The following SUGCT variants were observed in gnomAD, a reference collection of about 807,000 sequenced individuals.
The protein encoded by SUGCT is succinyl-CoA:glutarate CoA-transferase.
In SUGCT, 41 loss-of-function variants were observed where a neutral mutation model predicts 55.0. The ratio of observed to expected loss-of-function variants is 0.74; its 90% confidence interval spans 0.58 to 0.97. SUGCT has a LOEUF of 0.97. Among genes scored for constraint, SUGCT ranks in the 50% least tolerant of loss-of-function variants. The probability of loss-of-function intolerance (pLI) is 0.00; values close to 1 mark genes in which losing one functional copy is unlikely to be tolerated. For missense variants in SUGCT, 568 were observed against 547.8 expected, an observed-to-expected ratio of 1.04 and a Z score of -0.37; for synonymous variants, 187 against 200.4, an observed-to-expected ratio of 0.93 and a Z score of 0.56.
chr7:40,992,198 G>A, the SUGCT span, among the ~76,000 whole-genome samples: 52 of 152,256 alleles, frequency 3.4e-4, no homozygotes, highest in African/African-American at 1.2e-3. Flanking sequence ...TTCCAGAACC[G>A]AGGGTTCCTC....
At chr7:41,029,839 T>A in the SUGCT span, among the ~76,000 whole-genome samples, 1 of 152,350 alleles carries the variant, frequency 6.6e-6, no homozygotes, top group Admixed American at 6.5e-5. Context: ...CATAATGTCA[T>A]GTATCCATCA....
At chr7:40,616,250 T>C (rs987738487) in intron 12 of SUGCT, among the ~76,000 whole-genome samples, 1 of 152,150 alleles carries the variant, frequency 6.6e-6, no homozygotes, top group Admixed American at 6.5e-5. Flanking sequence ...GGCTGGAGTT[T>C]AGTGGTGCGA....
At chr7:40,534,849 T>C (rs1794279414) in intron 12 of SUGCT, among the ~76,000 whole-genome samples, 1 of 152,222 alleles carries the variant, frequency 6.6e-6, no homozygotes, top group East Asian at 1.9e-4. Flanking sequence ...GACTATAAGT[T>C]TTGCCTACTC....
chr7:41,031,924 G>A, the SUGCT span, among the ~76,000 whole-genome samples: 7 of 152,014 alleles, frequency 4.6e-5, no homozygotes, highest in East Asian at 1.4e-3. Flanking sequence ...AAGCTCATGA[G>A]TATAGGAGCC....
intron 13 of SUGCT, chr7:40,783,486 G>A (rs1318530585): frequency 6.6e-6 from 1 of 152,112 alleles, no homozygotes; most frequent in Non-Finnish European, 1.5e-5. Context: ...AAACTAGTAA[G>A]TAAAACTAAT....
chr7:40,444,840 G>A (rs546340880), intron 9 of SUGCT, among the ~76,000 whole-genome samples: 2 of 152,270 alleles, frequency 1.3e-5, no homozygotes, highest in Non-Finnish European at 2.9e-5. Context: ...TACCCATTCA[G>A]TATGACATTG....
chr7:40,677,937 G>C (rs1159609385), intron 12 of SUGCT, among the ~76,000 whole-genome samples: 1 of 152,184 alleles, frequency 6.6e-6, no homozygotes, highest in Non-Finnish European at 1.5e-5. Flanking sequence ...TGGGGTTGCA[G>C]GTGCTGCTTC....
chr7:40,207,998 T>C (rs1054216021), intron 6 of SUGCT, among the ~76,000 whole-genome samples: 2 of 152,194 alleles, frequency 1.3e-5, no homozygotes, highest in African/African-American at 4.8e-5. Flanking sequence ...TGGAATATTA[T>C]TCAGCCTTAA....
chr7:40,742,086 C>T (rs1013258307), intron 12 of SUGCT, among the ~76,000 whole-genome samples: 6 of 152,146 alleles, frequency 3.9e-5, no homozygotes, highest in South Asian at 4.1e-4. Context: ...GCTATATATA[C>T]GTGTGTGTAT....
intron 13 of SUGCT, among the ~76,000 whole-genome samples, chr7:40,779,020 C>G (rs1386219191): frequency 6.6e-6 from 1 of 152,134 alleles, no homozygotes; most frequent in African/African-American, 2.4e-5. Context: ...TGAGCAGAGA[C>G]CCTGGGGAAA....
At chr7:40,490,725 T>G (rs1400158733) in intron 11 of SUGCT, among the ~76,000 whole-genome samples, 1 of 152,194 alleles carries the variant, frequency 6.6e-6, no homozygotes, top group African/African-American at 2.4e-5. Flanking sequence ...TAAGGTCATT[T>G]GAATTCCTGA....
At chr7:40,293,334 C>T (rs1793908310) in intron 8 of SUGCT, among the ~76,000 whole-genome samples, 1 of 152,138 alleles carries the variant, frequency 6.6e-6, no homozygotes, top group Non-Finnish European at 1.5e-5. Flanking sequence ...CAGTGCTCAA[C>T]GTTGGCTGCC....
chr7:40,459,918 T>C (rs967973910), intron 11 of SUGCT, among the ~76,000 whole-genome samples: 3 of 152,234 alleles, frequency 2.0e-5, no homozygotes, highest in Non-Finnish European at 4.4e-5. Flanking sequence ...TGCCTTTACA[T>C]GTCTTCTGAA....
At chr7:40,890,708 TA>T in the SUGCT span, among the ~76,000 whole-genome samples, 1 of 152,138 alleles carries the variant, frequency 6.6e-6, no homozygotes, top group South Asian at 2.1e-4. Context: ...AGATGGTCTG[TA>T]AAGACTGGAG....
chr7:40,443,396 C>T (rs1788627090), intron 9 of SUGCT, among the ~76,000 whole-genome samples: 1 of 152,160 alleles, frequency 6.6e-6, no homozygotes, highest in Non-Finnish European at 1.5e-5. Context: ...TGTTTCCTAA[C>T]TTTTTAATGA....
chr7:40,800,770 G>T (rs1584460955), intron 13 of SUGCT, among the ~76,000 whole-genome samples: 1 of 152,096 alleles, frequency 6.6e-6, no homozygotes, highest in African/African-American at 2.4e-5. Flanking sequence ...AAGCTATAGT[G>T]TTCTTGATTT....
chr7:40,491,673 C>G (rs1277760265), intron 11 of SUGCT, among the ~76,000 whole-genome samples: 3 of 151,584 alleles, frequency 2.0e-5, no homozygotes, highest in Non-Finnish European at 4.4e-5. Flanking sequence ...AAAAAAAGCA[C>G]AAATATCCAA....
At chr7:40,295,070 G>C (rs1455177263) in intron 8 of SUGCT, among the ~76,000 whole-genome samples, 1 of 152,064 alleles carries the variant, frequency 6.6e-6, no homozygotes, top group Admixed American at 6.6e-5. Flanking sequence ...TAGAGACAAA[G>C]TCTTATCTTT....
chr7:40,307,211 G>A (rs766938834), intron 8 of SUGCT, among the ~76,000 whole-genome samples: 2 of 152,182 alleles, frequency 1.3e-5, no homozygotes, highest in Non-Finnish European at 2.9e-5. Context: ...ATGGGTTGAA[G>A]TTTATTTCTA....
Sources: gnomAD v4.1 joint callset for allele counts (sites outside exome capture counted in the v4.1 genomes callset) on GRCh38, gnomAD v4.1.1 for gene constraint, MANE v1.5 for transcripts, NCBI Gene and HGNC (gene_info 2026-07-23, HGNC 2026-07-21) for gene names.